The following CD53 variants were observed in gnomAD, a reference collection of about 807,000 sequenced individuals.
CD53 encodes the protein leukocyte surface antigen CD53.
Under a neutral mutation model 27.3 loss-of-function variants are expected in CD53, and 20 were observed. That is an observed-to-expected ratio of 0.73 (90% CI 0.52 to 1.07). The LOEUF is 1.07. Ranked by LOEUF, CD53 falls within the 50% of genes least tolerant of loss-of-function variation. The pLI is 0.00. For synonymous variants in CD53, 106 were observed against 105.3 expected (o/e 1.01, Z -0.04); for missense variants, 216 against 264.0 (o/e 0.82, Z 1.26).
intron 3 of CD53, among the ~76,000 whole-genome samples, chr1:110,894,063 G>A (rs1656960568): frequency 6.6e-6 from 1 of 152,198 alleles, no homozygotes; most frequent in African/African-American, 2.4e-5. Context: ...AACAGGTGGT[G>A]GTGTGTATGT....
At chr1:110,885,090 T>C (rs75930614) in intron 1 of CD53, among the ~76,000 whole-genome samples, 1 of 152,310 alleles carries the variant, frequency 6.6e-6, no homozygotes, top group East Asian at 1.9e-4. Context: ...TTAAGATTTT[T>C]ACCTTCAAGT....
rs181731403 is a variant in CD53, at chr1:110,891,625, T to C, written c.63+154T>C. On this transcript the variant is annotated intron_variant, in intron 2 of 7. Coordinates refer to ENST00000271324, the MANE Select transcript of CD53 (RefSeq NM_000560.4). ...CTAGAAACAAAAGAGTAATAATTTT[T>C]CCCCTCTTCCTGCCACAGAATAAAC... is the stretch of plus-strand genomic sequence containing the variant. Among the ~76,000 whole-genome samples, 377 of 152,232 alleles carry C rather than the reference T, an allele frequency of 2.5e-3. 1 individual carries two copies. The highest frequency in any genetic ancestry group is 8.7e-3 in the African/African-American group (363 of 41,536).
intron 1 of CD53, among the ~76,000 whole-genome samples, chr1:110,880,073 TAGCCAC>T (rs1262707002): frequency 6.6e-6 from 1 of 152,202 alleles, no homozygotes; most frequent in African/African-American, 2.4e-5. Flanking sequence ...TTGTGGAAGG[TAGCCAC>T]AGTTAAGTGC....
intron 1 of CD53, among the ~76,000 whole-genome samples, chr1:110,876,184 C>T (rs979526275): frequency 1.3e-5 from 2 of 152,168 alleles, no homozygotes; most frequent in African/African-American, 4.8e-5. Flanking sequence ...CGCAACTGTC[C>T]AATCTGCTTA....
chr1:110,897,479 A>G (rs760866167), intron 6 of CD53, among the ~76,000 whole-genome samples: 1 of 152,218 alleles, frequency 6.6e-6, no homozygotes, highest in East Asian at 1.9e-4. Context: ...TGCATGCCCT[A>G]TGTTAATCTC....
chr1:110,877,307 C>G (rs147046498), intron 1 of CD53, among the ~76,000 whole-genome samples: 1 of 152,310 alleles, frequency 6.6e-6, no homozygotes, highest in African/African-American at 2.4e-5. Flanking sequence ...AACAAAGTGG[C>G]TTTTCTTATC....
At chr1:110,887,840 G>A (rs2101053805) in intron 1 of CD53, among the ~76,000 whole-genome samples, 1 of 152,234 alleles carries the variant, frequency 6.6e-6, no homozygotes, top group South Asian at 2.1e-4. Context: ...AATTCTTAAT[G>A]GACACTTTGG....
At chr1:110,894,241 A>C (rs1656969218) in intron 3 of CD53, 86 bp from the exon 4 acceptor site, 1 of 1,177,300 alleles carries the variant, frequency 8.5e-7, no homozygotes, top group Non-Finnish European at 1.3e-6. Context: ...GTACTCGTGC[A>C]AATGCCCCTG....
At chr1:110,894,905 C>A in intron 4 of CD53, 55 bp from the exon 5 acceptor site, 4 of 1,365,182 alleles carry the variant, frequency 2.9e-6, no homozygotes, top group Non-Finnish European at 4.2e-6. Context: ...ATTCCTTATT[C>A]CTTGAACTCA....
intron 1 of CD53, among the ~76,000 whole-genome samples, chr1:110,877,433 A>G (rs1302894864): frequency 6.6e-6 from 1 of 152,182 alleles, no homozygotes; most frequent in Non-Finnish European, 1.5e-5. Context: ...GAGGACGGAG[A>G]ACCTCTGGTC....
intron 1 of CD53, among the ~76,000 whole-genome samples, chr1:110,876,785 A>C (rs1656147018): frequency 6.6e-6 from 1 of 152,182 alleles, no homozygotes; most frequent in Non-Finnish European, 1.5e-5. Flanking sequence ...AAAAAATGAC[A>C]AAATTCAGAC....
At chr1:110,890,118 G>A (rs1411677074) in intron 1 of CD53, among the ~76,000 whole-genome samples, 3 of 152,108 alleles carry the variant, frequency 2.0e-5, no homozygotes, top group African/African-American at 7.2e-5. Context: ...AACTGCAAAG[G>A]AGATACTATG....
intron 6 of CD53, among the ~76,000 whole-genome samples, chr1:110,897,274 C>T (rs768194247): frequency 7.2e-5 from 11 of 152,232 alleles, no homozygotes; most frequent in Non-Finnish European, 1.2e-4. Flanking sequence ...TATCTTCCAA[C>T]TAGACCGAAT....
chr1:110,894,673 G>A (rs994175346), intron 4 of CD53, among the ~76,000 whole-genome samples: 17 of 152,204 alleles, frequency 1.1e-4, no homozygotes, highest in African/African-American at 3.6e-4. Context: ...AGGAGAGAAT[G>A]TCTGCCTCAG....
intron 1 of CD53, among the ~76,000 whole-genome samples, chr1:110,876,786 A>G (rs1260471338): frequency 6.6e-6 from 1 of 152,168 alleles, no homozygotes; most frequent in East Asian, 1.9e-4. Context: ...AAAAATGACA[A>G]AATTCAGACT....
intron 1 of CD53, among the ~76,000 whole-genome samples, chr1:110,886,471 C>T (rs1448232066): frequency 1.3e-5 from 2 of 152,110 alleles, no homozygotes; most frequent in Non-Finnish European, 2.9e-5. Flanking sequence ...TCTCTTCTCT[C>T]CTCAATTTTA....
In CD53 at chr1:110,890,575, A is replaced by G. The variant is rs920089756; in HGVS notation, c.-17-817A>G. On this transcript the variant is annotated intron_variant, in intron 1 of 7. Transcript: ENST00000271324. ...GATTGAGACCCTGAAAGAAGAAAGA[A>G]AGAAAGAGAGAAAGAGAAAGAGAAA... is the stretch of plus-strand genomic sequence containing the variant. Among the ~76,000 whole-genome samples, 15 of 101,630 alleles carry G rather than the reference A, an allele frequency of 1.5e-4. No individual in the cohort carries two copies. The South Asian group carries it at 3.1e-3, about 21-fold the overall frequency. The allele number at this position is 101,630 out of a possible 152,430, so 66.7% of individuals were successfully genotyped here.
chr1:110,897,605 T>C (rs1430169642), intron 6 of CD53: 2 of 468,784 alleles, frequency 4.3e-6, no homozygotes, highest in South Asian at 5.8e-5. Flanking sequence ...ACCACTGTAA[T>C]GATAACACCA....
intron 1 of CD53, among the ~76,000 whole-genome samples, chr1:110,887,232 T>C (rs2101052897): frequency 6.6e-6 from 1 of 151,970 alleles, no homozygotes; most frequent in South Asian, 2.1e-4. Context: ...CCTGGCTAAT[T>C]TTTTCTATTT....
Sources: gnomAD v4.1 joint callset for allele counts (sites outside exome capture counted in the v4.1 genomes callset) on GRCh38, gnomAD v4.1.1 for gene constraint, MANE v1.5 for transcripts, NCBI Gene and HGNC (gene_info 2026-07-23, HGNC 2026-07-21) for gene names.